The following ANXA7 variants were observed in gnomAD, a reference collection of about 807,000 sequenced individuals.
ANXA7 encodes the protein annexin A7.
A neutral mutation model predicts 64.9 loss-of-function variants in ANXA7; 55 were observed. That is an observed-to-expected ratio of 0.85 (90% confidence interval 0.68 to 1.06). The LOEUF (loss-of-function observed/expected upper bound fraction) is 1.06. Ranked by LOEUF, ANXA7 falls within the 50% of genes least tolerant of loss-of-function variation. The probability of loss-of-function intolerance (pLI) is 0.00; values close to 1 mark genes in which losing one functional copy is unlikely to be tolerated. For synonymous variants in ANXA7, 200 were observed against 192.4 expected (o/e 1.04, Z -0.33); for missense variants, 548 against 582.1 (o/e 0.94, Z 0.60).
chr10:73,386,130 C>T (rs1189202491), intron 7 of ANXA7, among the ~76,000 whole-genome samples: 1 of 151,248 alleles, frequency 6.6e-6, no homozygotes, highest in Non-Finnish European at 1.5e-5. Context: ...ACGAAAATCG[C>T]TCTTGCCTGG....
chr10:73,380,002 A>C, intron 10 of ANXA7, 29 bp downstream of exon 10: 1 of 1,611,932 alleles, frequency 6.2e-7, no homozygotes, highest in Non-Finnish European at 8.5e-7. Context: ...TTACAGCAGA[A>C]GCCAAATCTT....
At chr10:73,397,909 CTACAAACAAGCAAAGTGTTACATA>C (rs1441891064) in intron 3 of ANXA7, among the ~76,000 whole-genome samples, 2 of 152,102 alleles carry the variant, frequency 1.3e-5, no homozygotes, top group Admixed American at 1.3e-4. Context: ...GGTCTTAAGA[CTACAAACAAGCAAAGTGTTACATA>C]TTGGTCCTTT....
Position 73,375,277 on chromosome 10 carries a change from G to A in ANXA7, c.*818C>T, listed in dbSNP as rs2055152411. On this transcript the variant is annotated 3_prime_UTR_variant, in exon 13 of 13. Coordinates refer to ENST00000372921, the MANE Select transcript of ANXA7 (RefSeq NM_001156.5). Reference sequence around the variant, plus strand: ...GAGCACAGTATCTATAGTTAATAATGTACTGAACACTTAAAATTTGCTAAG... The same window carrying A: ...GAGCACAGTATCTATAGTTAATAATATACTGAACACTTAAAATTTGCTAAG... 1 of 152,124 alleles carries A rather than the reference G, an allele frequency of 6.6e-6. No homozygotes were observed. The highest frequency in any genetic ancestry group is 1.5e-5 in the Non-Finnish European group (1 of 68,016). 9.4% of individuals were successfully genotyped at this position (152,124 alleles called of 1,614,324 possible). A position where few individuals can be genotyped will look rare whatever the true frequency, so the allele number is the denominator to read the frequency against.
chr10:73,396,423 G>A (rs1589658420), intron 5 of ANXA7, 96 bp downstream of exon 5: 1 of 847,848 alleles, frequency 1.2e-6, no homozygotes, highest in South Asian at 1.7e-5. Context: ...TTACTATAAT[G>A]GGCCATTTCC....
chr10:73,405,292 A>T (rs1292542341), intron 1 of ANXA7, among the ~76,000 whole-genome samples: 3 of 150,134 alleles, frequency 2.0e-5, no homozygotes, highest in Non-Finnish European at 4.4e-5. Context: ...TAATACACCC[A>T]GCACTTTGGG....
At chr10:73,407,454 C>A (rs1439072253) in intron 1 of ANXA7, among the ~76,000 whole-genome samples, 1 of 151,916 alleles carries the variant, frequency 6.6e-6, no homozygotes, top group Non-Finnish European at 1.5e-5. Flanking sequence ...CAGGATGGGG[C>A]CTGAGATTCT....
intron 1 of ANXA7, 37 bp from the exon 2 acceptor site, chr10:73,400,894 T>C: frequency 6.4e-7 from 1 of 1,551,242 alleles, no homozygotes; most frequent in Non-Finnish European, 8.8e-7. Flanking sequence ...TGTAAGTTTT[T>C]TGTTGTTTTG....
At chr10:73,385,257 T>C (rs2055347979) in intron 7 of ANXA7, among the ~76,000 whole-genome samples, 1 of 152,198 alleles carries the variant, frequency 6.6e-6, no homozygotes, top group Admixed American at 6.5e-5. Context: ...GAGGAACCAC[T>C]GGAAACTTTT....
rs1220230836 is a variant in ANXA7, at chr10:73,398,203, C to G, written c.237G>C (p.Gly79=). 3.7e-6 allele frequency: 6 copies of G among 1,613,030 alleles called. No individual in the cohort carries two copies. The highest frequency in any genetic ancestry group is 3.4e-6 in the Non-Finnish European group (4 of 1,179,508). Residue 79 remains glycine, a synonymous_variant, in exon 3 of 13, where the codon GGG becomes GGC. Coordinates refer to ENST00000372921, the MANE Select transcript of ANXA7 (RefSeq NM_001156.5). Reference sequence around the variant, plus strand: ...CACCTCCGGGATAGGATGGAGCTCCCCCTGGCTGTGGGGCACCAGGATAGC... The same window carrying G: ...CACCTCCGGGATAGGATGGAGCTCCGCCTGGCTGTGGGGCACCAGGATAGC... ...PGGYPGAPQP[G]GAPSYPGVPP... is the part of the protein sequence containing the mutation.
Position 73,375,918 on chromosome 10 carries a change from T to G in ANXA7, c.*177A>C. On this transcript the variant is annotated 3_prime_UTR_variant, in exon 13 of 13. Transcript: ENST00000372921. ...CATTGATTGTATGTAGAGAACAAAA[T>G]AAAATTAGAATTAAGGCAATAACAA... is the stretch of plus-strand genomic sequence containing the variant. 2.2e-6 allele frequency: 1 copy of G among 448,104 alleles called. No homozygotes were observed. Among genetic ancestry groups the G allele is most frequent in the Non-Finnish European group, 3.8e-6 (1 of 260,008 alleles). The allele number at this position is 448,104 out of a possible 1,614,324, so 27.8% of individuals were successfully genotyped here.
At chr10:73,392,678 A>T (rs1328307858) in intron 5 of ANXA7, among the ~76,000 whole-genome samples, 1 of 152,210 alleles carries the variant, frequency 6.6e-6, no homozygotes, top group Non-Finnish European at 1.5e-5. Context: ...CCCTCAATAA[A>T]TTAGGTATTG....
At chr10:73,379,295 C>T (rs908807477) in intron 11 of ANXA7, among the ~76,000 whole-genome samples, 4 of 152,156 alleles carry the variant, frequency 2.6e-5, no homozygotes, top group African/African-American at 9.7e-5. Flanking sequence ...TTCTGAGTAG[C>T]TGGGACTACA....
chr10:73,383,750 T>A, intron 7 of ANXA7, 60 bp from the exon 8 acceptor site: 2 of 1,082,314 alleles, frequency 1.8e-6, no homozygotes. Flanking sequence ...CACTTAAATC[T>A]TTTAAGGAAA....
At chr10:73,387,606 A>G (rs1377540539) in intron 7 of ANXA7, 83 bp downstream of exon 7, 1 of 1,057,506 alleles carries the variant, frequency 9.5e-7, no homozygotes, top group African/African-American at 1.6e-5. Context: ...CACAGGTACT[A>G]ATCAAAATAT....
intron 3 of ANXA7, 44 bp downstream of exon 3, chr10:73,398,137 T>C: frequency 5.1e-6 from 8 of 1,569,048 alleles, no homozygotes; most frequent in Non-Finnish European, 7.0e-6. Flanking sequence ...GAAAAAGTGC[T>C]ACAGCAATCC....
chr10:73,396,513 A>C lies in ANXA7; in HGVS notation c.435+6T>G, dbSNP rs1279734420. Reference sequence around the variant, plus strand: ...AGAGTGAGCTTAAAAGGTAGGAACAAAATACCTGACTAGGGTAAGTAGGTT... The same window carrying C: ...AGAGTGAGCTTAAAAGGTAGGAACACAATACCTGACTAGGGTAAGTAGGTT... On this transcript the variant is annotated splice_donor_region_variant and intron_variant, in intron 5 of 12. Transcript: ENST00000372921. The C allele has an allele frequency of 6.2e-7, 1 of 1,605,122 alleles. No homozygotes were observed. The highest frequency in any genetic ancestry group is 1.3e-5 in the African/African-American group (1 of 74,538).
At chr10:73,392,380 T>C (rs2055499540) in intron 5 of ANXA7, among the ~76,000 whole-genome samples, 1 of 151,234 alleles carries the variant, frequency 6.6e-6, no homozygotes, top group Non-Finnish European at 1.5e-5. Flanking sequence ...TAACAAAGCC[T>C]GGCAGAGACA....
rs772818416 is a variant in ANXA7, at chr10:73,383,618, G to C, written c.706C>G (p.Pro236Ala). 8.1e-6 allele frequency: 13 copies of C among 1,613,666 alleles called. No homozygotes were observed. The highest frequency in any genetic ancestry group is 1.0e-5 in the Non-Finnish European group (12 of 1,179,784). ...AAGCTCCAGGCATCGTAATACGTAG[G>C]AGGCATGAAGAGGGCCAGGATCAGT... is the stretch of plus-strand genomic sequence containing the variant. ...EELILALFMP[P>A]TYYDAWSLRK... The change falls in exon 8 of 13, where the codon CCT (proline) becomes GCT (alanine). Residue 236 changes from proline to alanine, a missense_variant. Pro to Ala is a conservative substitution (Grantham distance 27). Coordinates refer to ENST00000372921, the MANE Select transcript of ANXA7 (RefSeq NM_001156.5).
chr10:73,413,505 A>C (rs2055876491), intron 1 of ANXA7, among the ~76,000 whole-genome samples: 1 of 152,224 alleles, frequency 6.6e-6, no homozygotes, highest in Non-Finnish European at 1.5e-5. Flanking sequence ...ATGCTATTCT[A>C]GAATAGCTTC....
Sources: allele counts gnomAD v4.1 joint callset (sites outside exome capture counted in the v4.1 genomes callset), GRCh38; gene constraint gnomAD v4.1.1; transcripts MANE v1.5; gene names NCBI Gene and HGNC (gene_info 2026-07-23, HGNC 2026-07-21).